Variants in HECW1 observed in about 807,000 individuals in gnomAD.
The protein encoded by HECW1 is HECT, C2 and WW domain containing E3 ubiquitin protein ligase 1, also known as E3 ubiquitin-protein ligase HECW1.
In HECW1, 61 loss-of-function variants were observed where a neutral mutation model predicts 182.3. The observed-to-expected ratio is 0.33, with a 90% CI of 0.27 to 0.41. The LOEUF (loss-of-function observed/expected upper bound fraction) is 0.41, where lower values mean the gene tolerates loss of function less well. Ranked by LOEUF, HECW1 falls within the 10% of genes least tolerant of loss-of-function variation. The pLI is 1.00. For synonymous variants in HECW1, 859 were observed against 832.6 expected (o/e 1.03, Z -0.55); for missense variants, 1,739 against 2,108.9 (o/e 0.82, Z 3.44).
chr7:43,336,882 T>C (rs1251236127), intron 5 of HECW1, among the ~76,000 whole-genome samples: 1 of 152,234 alleles, frequency 6.6e-6, no homozygotes, highest in African/African-American at 2.4e-5. Flanking sequence ...GACATGATTT[T>C]ATGTTTTATG....
chr7:43,186,560 TC>T (rs1400263802), intron 2 of HECW1, among the ~76,000 whole-genome samples: 1 of 151,392 alleles, frequency 6.6e-6, no homozygotes, highest in Non-Finnish European at 1.5e-5. Flanking sequence ...TCCCAGCTAC[TC>T]GGGAGGCTGA....
chr7:43,392,680 A>G (rs1375956198), intron 6 of HECW1, among the ~76,000 whole-genome samples: 3 of 152,224 alleles, frequency 2.0e-5, no homozygotes, highest in African/African-American at 7.2e-5. Flanking sequence ...AGGTCAGCAC[A>G]CATATATGAC....
At chr7:43,439,282 C>T (rs937097792) in intron 9 of HECW1, 2 of 152,102 alleles carry the variant, frequency 1.3e-5, no homozygotes, top group African/African-American at 4.8e-5. Flanking sequence ...CATTCCTGCA[C>T]GAGGAAACAA....
chr7:43,130,503 C>T (rs1786795780), intron 2 of HECW1, among the ~76,000 whole-genome samples: 1 of 152,164 alleles, frequency 6.6e-6, no homozygotes, highest in Non-Finnish European at 1.5e-5. Flanking sequence ...ACCATCATTC[C>T]TGACTCAGAA....
At chr7:43,555,618 A>G (rs2081991055) in intron 29 of HECW1, among the ~76,000 whole-genome samples, 1 of 152,202 alleles carries the variant, frequency 6.6e-6, no homozygotes, top group Admixed American at 6.5e-5. Flanking sequence ...CCTTTGCTAA[A>G]TCCTTATTGC....
chr7:43,474,928 T>G (rs1001225028), intron 16 of HECW1, among the ~76,000 whole-genome samples: 8 of 152,100 alleles, frequency 5.3e-5, no homozygotes, highest in African/African-American at 1.9e-4. Flanking sequence ...GAACCTAGAA[T>G]AGATTTATAG....
chr7:43,377,400 T>C (rs532452868), intron 6 of HECW1, among the ~76,000 whole-genome samples: 13 of 152,278 alleles, frequency 8.5e-5, no homozygotes, highest in Non-Finnish European at 1.5e-4. Flanking sequence ...ACTCAAGAGT[T>C]TGTGGTTCAC....
At chr7:43,362,318 A>G (rs890140073) in intron 6 of HECW1, among the ~76,000 whole-genome samples, 22 of 152,196 alleles carry the variant, frequency 1.4e-4, no homozygotes, top group African/African-American at 4.6e-4. Flanking sequence ...CCCGAGGCCC[A>G]AAGCCTGGCT....
chr7:43,262,796 C>T (rs1801325541), intron 3 of HECW1, among the ~76,000 whole-genome samples: 1 of 152,174 alleles, frequency 6.6e-6, no homozygotes, highest in South Asian at 2.1e-4. Context: ...AGCCCTGGGC[C>T]ACTATCCTTG....
chr7:43,222,781 C>T (rs1797095769), intron 2 of HECW1, among the ~76,000 whole-genome samples: 1 of 152,142 alleles, frequency 6.6e-6, no homozygotes, highest in Admixed American at 6.5e-5. Flanking sequence ...TTTGCAGGCT[C>T]CTCCTTTCCC....
rs143189487 is a variant in HECW1, at chr7:43,266,759, CAG to C, written c.27+22829_27+22830del. Among the ~76,000 whole-genome samples the C allele has an allele frequency of 4.0e-3, 613 of 152,260 alleles. 5 individuals carry two copies. Among genetic ancestry groups the C allele is most frequent in the African/African-American group, 0.014 (588 of 41,542 alleles). ...AATGTAAATAAATATCACCTAACAA[CAG>C]AAAAATTCTCAAACTGGACCAAACT... On this transcript the variant is annotated intron_variant, in intron 3 of 29. Transcript: ENST00000395891.
At chr7:43,364,056 T>A (rs547555696) in intron 6 of HECW1, among the ~76,000 whole-genome samples, 1 of 152,352 alleles carries the variant, frequency 6.6e-6, no homozygotes, top group East Asian at 1.9e-4. Context: ...TGAGGATTGC[T>A]GCTGCTGCAT....
chr7:43,481,838 T>C (rs2078445624), intron 17 of HECW1, among the ~76,000 whole-genome samples: 1 of 151,632 alleles, frequency 6.6e-6, no homozygotes, highest in Non-Finnish European at 1.5e-5. Flanking sequence ...TACAAAAAAT[T>C]AGTCAGGCAT....
intron 3 of HECW1, among the ~76,000 whole-genome samples, chr7:43,267,135 A>G (rs754548735): frequency 1.3e-5 from 2 of 152,202 alleles, no homozygotes; most frequent in South Asian, 2.1e-4. Flanking sequence ...AATATTTACA[A>G]TTAAAACTTG....
At chr7:43,291,053 A>G (rs1031290297) in intron 3 of HECW1, among the ~76,000 whole-genome samples, 5 of 152,128 alleles carry the variant, frequency 3.3e-5, no homozygotes, top group African/African-American at 9.7e-5. Flanking sequence ...TGCAGGGGGG[A>G]AAAATAGTTT....
At chr7:43,519,896 T>A (rs933214427) in intron 24 of HECW1, among the ~76,000 whole-genome samples, 5 of 152,154 alleles carry the variant, frequency 3.3e-5, no homozygotes, top group African/African-American at 9.7e-5. Context: ...GATTATATGA[T>A]TCAGATAAAA....
chr7:43,158,649 C>G (rs1312381468), intron 2 of HECW1, among the ~76,000 whole-genome samples: 1 of 152,138 alleles, frequency 6.6e-6, no homozygotes, highest in African/African-American at 2.4e-5. Flanking sequence ...CCACACATCT[C>G]CCATCTACCC....
chr7:43,117,376 T>C (rs188383836), intron 2 of HECW1, among the ~76,000 whole-genome samples: 26 of 152,226 alleles, frequency 1.7e-4, no homozygotes, highest in African/African-American at 6.0e-4. Context: ...CAACTTCCTA[T>C]AACATCCCCC....
intron 7 of HECW1, among the ~76,000 whole-genome samples, chr7:43,402,319 G>C (rs2075450582): frequency 6.6e-6 from 1 of 152,132 alleles, no homozygotes. Flanking sequence ...GCTACCGCGG[G>C]GCCGGAGCCC....
Sources: gnomAD v4.1 joint callset for allele counts (sites outside exome capture counted in the v4.1 genomes callset) on GRCh38, gnomAD v4.1.1 for gene constraint, MANE v1.5 for transcripts, NCBI Gene and HGNC (gene_info 2026-07-23, HGNC 2026-07-21) for gene names.